Variants in ANKRD31 observed in about 807,000 individuals in gnomAD.
ANKRD31 encodes the protein ankyrin repeat domain-containing protein 31.
ANKRD31 carries 147 observed loss-of-function variants against 186.0 expected under a neutral mutation model. The observed-to-expected ratio is 0.79, with a 90% CI of 0.69 to 0.91. The LOEUF (loss-of-function observed/expected upper bound fraction) is 0.91, where lower values mean the gene tolerates loss of function less well. ANKRD31 is among the 40% of genes least tolerant of loss of function. The probability of loss-of-function intolerance (pLI) is 0.00; values close to 1 mark genes in which losing one functional copy is unlikely to be tolerated. For missense variants in ANKRD31, 1,986 were observed against 2,148.8 expected (o/e 0.92, Z 1.50); for synonymous variants, 673 against 736.4 (o/e 0.91, Z 1.39).
At chr5:75,115,456 T>A (rs957676312) in intron 19 of ANKRD31, among the ~76,000 whole-genome samples, 1 of 151,830 alleles carries the variant, frequency 6.6e-6, no homozygotes, top group African/African-American at 2.4e-5. Flanking sequence ...GAAACTACCA[T>A]CAGAGTGAAC....
chr5:75,118,927 T>A lies in ANKRD31; in HGVS notation c.3877-630A>T, dbSNP rs138836824. 1.4e-4 allele frequency among the ~76,000 whole-genome samples: 21 copies of A among 152,244 alleles called. No individual in the cohort carries two copies. The East Asian group carries it at 4.1e-3, about 29-fold the overall frequency. On this transcript the variant is annotated intron_variant, in intron 17 of 25. Transcript: ENST00000506364. ...GGGTAAGAGTTGCTTCAGGGCTATA[T>A]TACAAACAACATTATAAATTGTGAT... is the stretch of plus-strand genomic sequence containing the variant.
At chr5:75,175,417 T>C (rs889252402) in intron 10 of ANKRD31, among the ~76,000 whole-genome samples, 8 of 152,070 alleles carry the variant, frequency 5.3e-5, no homozygotes, top group African/African-American at 1.9e-4. Context: ...ATAAAGAGCA[T>C]CTATAAAAAC....
chr5:75,207,265 A>G (rs75496473), intron 4 of ANKRD31, among the ~76,000 whole-genome samples: 5,578 of 152,290 alleles, frequency 0.037, 330 homozygotes, highest in African/African-American at 0.13. Context: ...AGCTGTCTTC[A>G]GATAAAAATG....
At chr5:75,215,229 T>A (rs1371490147) in intron 3 of ANKRD31, among the ~76,000 whole-genome samples, 3 of 152,170 alleles carry the variant, frequency 2.0e-5, no homozygotes, top group Admixed American at 6.6e-5. Flanking sequence ...ATTCAGGTCT[T>A]CAACTGATTA....
chr5:75,220,824 G>A (rs1443412582), intron 3 of ANKRD31, among the ~76,000 whole-genome samples: 1 of 152,108 alleles, frequency 6.6e-6, no homozygotes, highest in Non-Finnish European at 1.5e-5. Context: ...AACAGGCCAG[G>A]TGCAGTGGCT....
At position 75,168,978 on chromosome 5, in the gene ANKRD31, C is replaced by T. The variant is rs368511200; in HGVS notation, c.1707+1G>A. 212 of 1,534,168 alleles carry T rather than the reference C, an allele frequency of 1.4e-4. No individual in the cohort carries two copies. The highest frequency in any genetic ancestry group is 1.8e-4 in the Non-Finnish European group (207 of 1,145,032). On this transcript the variant is annotated splice_donor_variant, in intron 11 of 25. Transcript: ENST00000506364. LOFTEE classifies it high-confidence loss of function. Reference sequence around the variant, plus strand: ...TTCTGCAAATAAAAGCATCACAGTACCTTATAATGTCCATTCATCACTGCA... The same window carrying T: ...TTCTGCAAATAAAAGCATCACAGTATCTTATAATGTCCATTCATCACTGCA...
At chr5:75,105,383 C>A (rs1326579365) in intron 21 of ANKRD31, among the ~76,000 whole-genome samples, 165 bp from the exon 22 acceptor site, 1 of 152,094 alleles carries the variant, frequency 6.6e-6, no homozygotes, top group Non-Finnish European at 1.5e-5. Context: ...ATCTGACCAC[C>A]TGCAGCCTGT....
At chr5:75,190,605 A>ATG (rs1755039900) in intron 9 of ANKRD31, among the ~76,000 whole-genome samples, 1 of 117,600 alleles carries the variant, frequency 8.5e-6, no homozygotes, top group African/African-American at 4.4e-5. Context: ...AGGTGCTTAT[A>ATG]TATGTGTGTG....
chr5:75,192,841 A>G, intron 8 of ANKRD31, 65 bp from the exon 9 acceptor site: 5 of 1,222,206 alleles, frequency 4.1e-6, no homozygotes, highest in South Asian at 2.8e-5. Context: ...AGAGAATTAT[A>G]CCAATTTTTG....
intron 10 of ANKRD31, among the ~76,000 whole-genome samples, chr5:75,170,374 C>G (rs1478145827): frequency 6.6e-6 from 1 of 152,044 alleles, no homozygotes; most frequent in African/African-American, 2.4e-5. Flanking sequence ...AGTAAAATGG[C>G]AGACCTAAAT....
chr5:75,184,532 TCAAA>T (rs1366282823), intron 10 of ANKRD31, among the ~76,000 whole-genome samples: 4 of 151,720 alleles, frequency 2.6e-5, no homozygotes, highest in African/African-American at 9.7e-5. Context: ...TGTAAGAAAC[TCAAA>T]CAACTCAATA....
chr5:75,181,950 A>T (rs993110594), intron 10 of ANKRD31, among the ~76,000 whole-genome samples: 1 of 152,106 alleles, frequency 6.6e-6, no homozygotes, highest in African/African-American at 2.4e-5. Context: ...TAAAAAATAA[A>T]AAAAATAAAA....
intron 17 of ANKRD31, among the ~76,000 whole-genome samples, chr5:75,120,447 C>A (rs530885945): frequency 5.7e-4 from 87 of 152,184 alleles, no homozygotes; most frequent in African/African-American, 2.0e-3. Flanking sequence ...AAGTAACTCA[C>A]CACTGAAAAA....
chr5:75,190,589 G>A (rs1347663706), intron 9 of ANKRD31, among the ~76,000 whole-genome samples: 2 of 145,306 alleles, frequency 1.4e-5, no homozygotes, highest in African/African-American at 5.4e-5. Flanking sequence ...CAATAAGACT[G>A]GATTGAGGTG....
intron 15 of ANKRD31, among the ~76,000 whole-genome samples, chr5:75,140,421 G>A (rs893232331): frequency 2.6e-5 from 4 of 152,030 alleles, no homozygotes; most frequent in Non-Finnish European, 5.9e-5. Context: ...GAAAATATTC[G>A]TTAAATCAGT....
chr5:75,112,903 G>A (rs1747899188), intron 19 of ANKRD31, among the ~76,000 whole-genome samples: 1 of 152,136 alleles, frequency 6.6e-6, no homozygotes, highest in South Asian at 2.1e-4. Flanking sequence ...ATAGGTGTAG[G>A]AGAAAAATAA....
intron 1 of ANKRD31, among the ~76,000 whole-genome samples, chr5:75,235,520 T>C (rs1383481693): frequency 1.3e-5 from 2 of 152,168 alleles, no homozygotes; most frequent in African/African-American, 2.4e-5. Flanking sequence ...CTTTGAACCA[T>C]CCAGTGGGCA....
At chr5:75,148,732 G>A (rs1751657304) in intron 12 of ANKRD31, 104 bp from the exon 13 acceptor site, 5 of 694,720 alleles carry the variant, frequency 7.2e-6, no homozygotes, top group Admixed American at 3.5e-5. Context: ...AGTGGAATAA[G>A]TGAAATTATG....
intron 2 of ANKRD31, among the ~76,000 whole-genome samples, chr5:75,227,146 G>A (rs1757682692): frequency 6.6e-6 from 1 of 152,170 alleles, no homozygotes; most frequent in Non-Finnish European, 1.5e-5. Context: ...GGATGGAACT[G>A]CAGGTCATAA....
Sources: gnomAD v4.1 joint callset for allele counts (sites outside exome capture counted in the v4.1 genomes callset) on GRCh38, gnomAD v4.1.1 for gene constraint, MANE v1.5 for transcripts, NCBI Gene and HGNC (gene_info 2026-07-23, HGNC 2026-07-21) for gene names.